PTPRN2: variants seen among roughly 807,000 people sequenced by gnomAD.
PTPRN2 encodes the protein receptor-type tyrosine-protein phosphatase N2.
PTPRN2 carries 74 observed loss-of-function variants against 118.8 expected under a neutral mutation model. That is an observed-to-expected ratio of 0.62 (90% CI 0.52 to 0.76). The LOEUF (loss-of-function observed/expected upper bound fraction) is 0.76, where lower values mean the gene tolerates loss of function less well. Ranked by LOEUF, PTPRN2 falls within the 30% of genes least tolerant of loss-of-function variation. The probability of loss-of-function intolerance (pLI) is 0.00; values close to 1 mark genes in which losing one functional copy is unlikely to be tolerated. For missense variants in PTPRN2, 1,481 were observed against 1,394.4 expected (o/e 1.06, Z -0.99); for synonymous variants, 641 against 608.0 (o/e 1.05, Z -0.80).
intron 3 of PTPRN2, among the ~76,000 whole-genome samples, chr7:158,226,295 G>A (rs1828771212): frequency 6.6e-6 from 1 of 152,120 alleles, no homozygotes; most frequent in African/African-American, 2.4e-5. Flanking sequence ...AAGCAGAATT[G>A]GTAAAAATAA....
At chr7:158,439,620 G>C (rs1346552398) in intron 2 of PTPRN2, among the ~76,000 whole-genome samples, 3 of 152,204 alleles carry the variant, frequency 2.0e-5, no homozygotes, top group Non-Finnish European at 4.4e-5. Context: ...GCCAACTCAA[G>C]TTCATGACCA....
At chr7:158,163,464 C>T (rs192965332) in intron 6 of PTPRN2, among the ~76,000 whole-genome samples, 126 of 150,938 alleles carry the variant, frequency 8.3e-4, no homozygotes, top group African/African-American at 2.9e-3. Context: ...TCTCAATATT[C>T]TCTGCGTGTT....
rs997873366 is a variant in PTPRN2 at position 158,407,098 on chromosome 7, GC to G, written c.163+82636del. Among the ~76,000 whole-genome samples, 117 of 151,892 alleles carry G rather than the reference GC, an allele frequency of 7.7e-4. 1 individual carries two copies. Among genetic ancestry groups the G allele is most frequent in the South Asian group, 1.3e-3 (6 of 4,800 alleles). ...TGTGAGGAGGTCGGGCTGCAGACAA[GC>G]CCAGCCCTGGGTCCTGCGTCCTGGG... On this transcript the variant is annotated intron_variant, in intron 2 of 22. Coordinates refer to ENST00000389418, the MANE Select transcript of PTPRN2 (RefSeq NM_002847.5).
chr7:158,269,209 C>A (rs1798132137), intron 3 of PTPRN2, among the ~76,000 whole-genome samples: 1 of 152,188 alleles, frequency 6.6e-6, no homozygotes, highest in Non-Finnish European at 1.5e-5. Flanking sequence ...CCCGACCCCG[C>A]CCCAGATGCT....
intron 11 of PTPRN2, among the ~76,000 whole-genome samples, chr7:157,989,220 C>T (rs889945042): frequency 2.0e-5 from 3 of 152,070 alleles, no homozygotes; most frequent in Admixed American, 6.6e-5. Flanking sequence ...GAGTTTGAGA[C>T]CAGCCTGGGC....
rs1302004848 is a variant in PTPRN2 at position 157,615,263 on chromosome 7, A to T, written c.2344+6099T>A. ...GGGAGGAAGTCATGCTAAGCCAGCC[A>T]CACTTCTGCTCCAGAGAGGGCCCTG... is the stretch of plus-strand genomic sequence containing the variant. On this transcript the variant is annotated intron_variant, in intron 15 of 22. Transcript: ENST00000389418. The surrounding 1 kb of genome is among the most constrained non-coding windows in gnomAD (Gnocchi z 4.3). The T allele has an allele frequency of 2.0e-5, 7 of 351,330 alleles. No individual in the cohort carries two copies. The highest frequency in any genetic ancestry group is 1.5e-4 in the East Asian group (2 of 13,254). 21.8% of individuals were successfully genotyped at this position (351,330 alleles called of 1,614,324 possible). A position where few individuals can be genotyped will look rare whatever the true frequency, so the allele number is the denominator to read the frequency against.
intron 4 of PTPRN2, among the ~76,000 whole-genome samples, chr7:158,194,610 C>T (rs1826065034): frequency 6.6e-6 from 1 of 152,252 alleles, no homozygotes. Context: ...ACAGGCTTTA[C>T]AGGTGCGGTC....
intron 11 of PTPRN2, among the ~76,000 whole-genome samples, chr7:158,071,369 G>GGTGGAGGTGCTCGTGGTGGAGGTGCTC (rs1563390777): frequency 1.3e-5 from 1 of 76,956 alleles, no homozygotes; most frequent in Non-Finnish European, 2.5e-5. Context: ...AGGTGCTCAT[G>GGTGGAGGTGCTCGTGGTGGAGGTGCTC]GTGGTGGAGG....
At chr7:158,071,469 G>GTGCAGGTGCTCC in intron 11 of PTPRN2, among the ~76,000 whole-genome samples, 1 of 137,350 alleles carries the variant, frequency 7.3e-6, no homozygotes, top group African/African-American at 2.9e-5. Flanking sequence ...GGTGCTCGTG[G>GTGCAGGTGCTCC]TGGTGGAGGT....
intron 12 of PTPRN2, among the ~76,000 whole-genome samples, chr7:157,880,162 T>C (rs1005359680): frequency 1.3e-5 from 2 of 152,200 alleles, no homozygotes; most frequent in African/African-American, 4.8e-5. Context: ...GAACATTGTA[T>C]ATTAGCAGGG....
At chr7:157,638,256 T>C (rs1804442121) in intron 14 of PTPRN2, among the ~76,000 whole-genome samples, 1 of 152,092 alleles carries the variant, frequency 6.6e-6, no homozygotes, top group African/African-American at 2.4e-5. Flanking sequence ...AAAGTTATTG[T>C]CCAGCTCTTC....
chr7:158,156,823 G>C (rs1377445259), intron 6 of PTPRN2, among the ~76,000 whole-genome samples: 4 of 152,382 alleles, frequency 2.6e-5, no homozygotes, highest in African/African-American at 9.6e-5. Flanking sequence ...GGTTGGAACT[G>C]GGGAGATTTG....
chr7:158,482,325 C>A (rs1393260924), intron 2 of PTPRN2, among the ~76,000 whole-genome samples: 2 of 152,194 alleles, frequency 1.3e-5, no homozygotes, highest in Non-Finnish European at 2.9e-5. Context: ...TTGCGTTCTG[C>A]AAAGAAATCT....
chr7:158,359,392 C>T, intron 2 of PTPRN2, among the ~76,000 whole-genome samples: 1 of 152,170 alleles, frequency 6.6e-6, no homozygotes, highest in Non-Finnish European at 1.5e-5. Flanking sequence ...GAGGCCAACA[C>T]ACAGTCACAA....
intron 1 of PTPRN2, among the ~76,000 whole-genome samples, chr7:158,583,552 C>T (rs764967700): frequency 3.9e-5 from 6 of 151,992 alleles, no homozygotes; most frequent in African/African-American, 7.3e-5. Flanking sequence ...AGCTGCCAGA[C>T]GCTAACACAC....
At chr7:157,796,956 C>T (rs898778589) in intron 12 of PTPRN2, among the ~76,000 whole-genome samples, 1 of 152,192 alleles carries the variant, frequency 6.6e-6, no homozygotes, top group Non-Finnish European at 1.5e-5. Flanking sequence ...GCACACTGAT[C>T]CAACCATCTC....
At position 158,052,091 on chromosome 7, in the gene PTPRN2, T is replaced by C. The variant is rs73745100; in HGVS notation, c.1723+29207A>G. ...CACCAGGCGATGGAAATTGCGCCTC[T>C]GATCCAGAAAAGTCCCTGTGCACTA... On this transcript the variant is annotated intron_variant, in intron 11 of 22. Coordinates refer to ENST00000389418, the MANE Select transcript of PTPRN2 (RefSeq NM_002847.5). 5.4e-3 allele frequency among the ~76,000 whole-genome samples: 819 copies of C among 152,340 alleles called. 11 individuals carry two copies. Among genetic ancestry groups the C allele is most frequent in the African/African-American group, 0.019 (784 of 41,580 alleles).
chr7:158,118,135 G>C (rs1218196337), intron 9 of PTPRN2, among the ~76,000 whole-genome samples: 1 of 152,008 alleles, frequency 6.6e-6, no homozygotes, highest in Non-Finnish European at 1.5e-5. Flanking sequence ...TTATAACTTT[G>C]GTTTGTAACT....
intron 9 of PTPRN2, among the ~76,000 whole-genome samples, chr7:158,125,168 G>A (rs1041869340): frequency 1.8e-4 from 28 of 151,456 alleles, no homozygotes; most frequent in Middle Eastern, 3.2e-3. Flanking sequence ...TCCCACGGCC[G>A]CCTCCCTGTC....
Sources: allele counts gnomAD v4.1 joint callset (sites outside exome capture counted in the v4.1 genomes callset), GRCh38; gene constraint gnomAD v4.1.1; non-coding constraint Gnocchi (gnomAD v3.1); transcripts MANE v1.5; gene names NCBI Gene and HGNC (gene_info 2026-07-23, HGNC 2026-07-21).